The following GPHN variants were observed in gnomAD, a reference collection of about 807,000 sequenced individuals.
GPHN encodes the protein gephyrin.
Under a neutral mutation model 95.5 loss-of-function variants are expected in GPHN, and 17 were observed. The observed-to-expected ratio is 0.18, with a 90% CI of 0.12 to 0.27. The LOEUF (loss-of-function observed/expected upper bound fraction) is 0.27. GPHN is among the 10% of genes least tolerant of loss of function. The pLI, the probability that GPHN is intolerant of heterozygous loss-of-function variation, is 1.00. For synonymous variants in GPHN, 320 were observed against 322.5 expected (o/e 0.99, Z 0.08); for missense variants, 660 against 978.1 (o/e 0.67, Z 4.34).
At chr14:66,857,742 G>A (rs6573725) in intron 4 of GPHN, among the ~76,000 whole-genome samples, 76,286 of 151,966 alleles carry the variant, frequency 0.5, 22,963 homozygotes, top group African/African-American at 0.85. Flanking sequence ...TGTTGCTGAA[G>A]GAGACACTGA....
At chr14:66,841,106 C>T (rs1158768359) in intron 4 of GPHN, among the ~76,000 whole-genome samples, 1 of 151,650 alleles carries the variant, frequency 6.6e-6, no homozygotes, top group Admixed American at 6.6e-5. Flanking sequence ...TAAGAAGTCA[C>T]AAGTCCCTAC....
chr14:67,545,699 C>T, the GPHN span, among the ~76,000 whole-genome samples: 1 of 152,146 alleles, frequency 6.6e-6, no homozygotes, highest in Non-Finnish European at 1.5e-5. Flanking sequence ...TGTATTTGTA[C>T]AGTGGAATAC....
At chr14:67,626,307 G>C in the GPHN span, among the ~76,000 whole-genome samples, 6 of 151,956 alleles carry the variant, frequency 3.9e-5, no homozygotes, top group African/African-American at 1.4e-4. Context: ...ACACCCACTA[G>C]GATGGCTATG....
the GPHN span, among the ~76,000 whole-genome samples, chr14:67,326,222 T>A: frequency 2.1e-5 from 1 of 48,602 alleles, no homozygotes; most frequent in East Asian, 8.5e-4. Flanking sequence ...TTAGGTCTGA[T>A]TTTTTTTTTT....
At chr14:66,820,907 A>G (rs1269738490) in intron 3 of GPHN, among the ~76,000 whole-genome samples, 3 of 152,178 alleles carry the variant, frequency 2.0e-5, no homozygotes, top group Non-Finnish European at 4.4e-5. Flanking sequence ...TTATTCTACT[A>G]AAGATGAATG....
At chr14:67,055,746 A>G (rs1204288736) in intron 10 of GPHN, among the ~76,000 whole-genome samples, 1 of 152,208 alleles carries the variant, frequency 6.6e-6, no homozygotes, top group East Asian at 1.9e-4. Flanking sequence ...TCAAGAATGA[A>G]GCCGCGGACC....
At chr14:66,543,055 A>G (rs2059411565) in intron 1 of GPHN, among the ~76,000 whole-genome samples, 1 of 152,078 alleles carries the variant, frequency 6.6e-6, no homozygotes, top group African/African-American at 2.4e-5. Context: ...GTGGGGGGAG[A>G]TGGTACACAC....
At chr14:67,645,570 T>C in the GPHN span, 3 of 1,533,244 alleles carry the variant, frequency 2.0e-6, no homozygotes, top group African/African-American at 2.7e-5. Context: ...ATAAGTTGTT[T>C]TGGCTGAGGA....
At chr14:67,439,052 G>A in the GPHN span, among the ~76,000 whole-genome samples, 1 of 152,122 alleles carries the variant, frequency 6.6e-6, no homozygotes, top group Non-Finnish European at 1.5e-5. Flanking sequence ...ATGAGCCTTA[G>A]TCTACATGTC....
intron 5 of GPHN, among the ~76,000 whole-genome samples, chr14:66,909,126 A>G (rs1406320906): frequency 1.3e-5 from 2 of 152,178 alleles, no homozygotes; most frequent in African/African-American, 2.4e-5. Flanking sequence ...TGTAGGGGAA[A>G]CATGGTACAG....
intron 3 of GPHN, among the ~76,000 whole-genome samples, chr14:66,814,452 G>T (rs1449485914): frequency 1.3e-5 from 2 of 152,164 alleles, no homozygotes; most frequent in Non-Finnish European, 2.9e-5. Context: ...CAGAACCCCA[G>T]CACAATGGAC....
chr14:67,400,762 A>G, the GPHN span, among the ~76,000 whole-genome samples: 1 of 152,216 alleles, frequency 6.6e-6, no homozygotes, highest in South Asian at 2.1e-4. Flanking sequence ...CCAAGGTAGG[A>G]GGATCACTTG....
At chr14:67,324,562 G>GT in the GPHN span, among the ~76,000 whole-genome samples, 15 of 151,278 alleles carry the variant, frequency 9.9e-5, no homozygotes, top group South Asian at 4.2e-4. Flanking sequence ...TCTTTTGATT[G>GT]TTTTTTTTGT....
At chr14:67,230,891 T>G in the GPHN span, among the ~76,000 whole-genome samples, 1 of 152,182 alleles carries the variant, frequency 6.6e-6, no homozygotes, top group Admixed American at 6.5e-5. Context: ...AATTCATAGG[T>G]TTTAAATTGC....
the GPHN span, among the ~76,000 whole-genome samples, chr14:67,190,464 C>T: frequency 1.3e-5 from 2 of 152,150 alleles, no homozygotes; most frequent in African/African-American, 4.8e-5. Context: ...CTCAAGAGAT[C>T]CACCTGCCTT....
the GPHN span, among the ~76,000 whole-genome samples, chr14:67,594,226 G>A: frequency 6.6e-6 from 1 of 152,164 alleles, no homozygotes; most frequent in Non-Finnish European, 1.5e-5. Context: ...GCTTGCACCT[G>A]TAATTCCAGC....
rs554783550 is a variant in GPHN at position 66,853,420 on chromosome 14, G to A, written c.295-26519G>A. 2.6e-5 allele frequency among the ~76,000 whole-genome samples: 4 copies of A among 152,300 alleles called. No homozygotes were observed. In the South Asian group the frequency reaches 6.2e-4, roughly 24 times the overall value. On this transcript the variant is annotated intron_variant, in intron 4 of 22. Transcript: ENST00000478722. ...ATTAGTCTGTTGTCATGCTGCTAAA[G>A]AGAGACATACCTGAGACTGGGTAAC...
chr14:66,645,821 A>G (rs1466378419), intron 1 of GPHN, among the ~76,000 whole-genome samples: 6 of 152,008 alleles, frequency 3.9e-5, no homozygotes, highest in Admixed American at 2.6e-4. Flanking sequence ...ACTCAGACTA[A>G]CCCTATGATC....
At chr14:66,598,519 A>C (rs1165309236) in intron 1 of GPHN, among the ~76,000 whole-genome samples, 1 of 152,050 alleles carries the variant, frequency 6.6e-6, no homozygotes, top group Admixed American at 6.6e-5. Context: ...TTTCACCTCC[A>C]CTTCTGTCCC....
Sources: allele counts gnomAD v4.1 joint callset (sites outside exome capture counted in the v4.1 genomes callset), GRCh38; gene constraint gnomAD v4.1.1; transcripts MANE v1.5; gene names NCBI Gene and HGNC (gene_info 2026-07-23, HGNC 2026-07-21).